Variants in AFAP1L2 observed in about 807,000 individuals in gnomAD.
AFAP1L2 encodes actin filament associated protein 1 like 2.
Under a neutral mutation model 99.3 loss-of-function variants are expected in AFAP1L2, and 46 were observed. The ratio of observed to expected loss-of-function variants is 0.46; its 90% CI spans 0.37 to 0.59. The LOEUF (loss-of-function observed/expected upper bound fraction) is 0.59, where lower values mean the gene tolerates loss of function less well. Ranked by LOEUF, AFAP1L2 falls within the 20% of genes least tolerant of loss-of-function variation. The pLI is 0.00. For synonymous variants in AFAP1L2, 397 were observed against 419.1 expected (o/e 0.95, Z 0.64); for missense variants, 959 against 1,034.9 (o/e 0.93, Z 1.01).
At chr10:114,324,594 G>C (rs1305659292) in intron 4 of AFAP1L2, among the ~76,000 whole-genome samples, 2 of 152,250 alleles carry the variant, frequency 1.3e-5, no homozygotes, top group Non-Finnish European at 2.9e-5. Flanking sequence ...TGCATAATGA[G>C]TTCACAACAG....
rs946174811 is a variant in AFAP1L2, at chr10:114,362,991, C to A, written c.17-22260G>T. 302 of 985,356 alleles carry A rather than the reference C, an allele frequency of 3.1e-4. 2 individuals are homozygous for A. The African/African-American group carries it at 5.0e-3, about 16-fold the overall frequency. The allele number at this position is 985,356 out of a possible 1,614,324, so 61.0% of individuals were successfully genotyped here. ...GGGCCGGGGAATTCCCTGGTGGCAG[C>A]CCGACAGGTGGGGAGGGACAGCTGC... is the stretch of plus-strand genomic sequence containing the variant. On this transcript the variant is annotated intron_variant, in intron 1 of 18. Coordinates refer to ENST00000304129, the MANE Select transcript of AFAP1L2 (RefSeq NM_001001936.3).
intron 1 of AFAP1L2, among the ~76,000 whole-genome samples, chr10:114,370,817 C>G (rs1310138442): frequency 6.6e-6 from 1 of 152,148 alleles, no homozygotes; most frequent in African/African-American, 2.4e-5. Flanking sequence ...CTGGGTTCAT[C>G]GAAAGCACCT....
chr10:114,286,387 C>T, the AFAP1L2 span: 15 of 1,613,848 alleles, frequency 9.3e-6, no homozygotes, highest in Middle Eastern at 1.7e-4. Context: ...GCAGTGAGGC[C>T]GTGCGGGCAG....
chr10:114,308,295 A>T lies in AFAP1L2; in HGVS notation c.967+138T>A. On this transcript the variant is annotated intron_variant, in intron 9 of 18. Transcript: ENST00000304129. ...TTGGCCGAGTCTCCCTTTTTCCTGG[A>T]TCTAACAGCAGTATTTCCGAGTGGT... 3 of 702,852 alleles carry T rather than the reference A, an allele frequency of 4.3e-6. No homozygotes were observed. In the South Asian group the frequency reaches 5.6e-5, roughly 13 times the overall value. The allele number at this position is 702,852 out of a possible 1,614,324, so 43.5% of individuals were successfully genotyped here. A position where few individuals can be genotyped will look rare whatever the true frequency, so the allele number is the denominator to read the frequency against.
chr10:114,301,740 C>T (rs1299649921), intron 12 of AFAP1L2: 2 of 477,332 alleles, frequency 4.2e-6, no homozygotes, highest in Non-Finnish European at 7.6e-6. Flanking sequence ...CCATCTTCTC[C>T]CCCATTCCTC....
chr10:114,332,176 C>G (rs1388619255), intron 3 of AFAP1L2, among the ~76,000 whole-genome samples: 1 of 152,210 alleles, frequency 6.6e-6, no homozygotes, highest in Non-Finnish European at 1.5e-5. Context: ...AGAGCTTTGG[C>G]CAGCAGAGAA....
chr10:114,308,681 A>G (rs1458187033), intron 8 of AFAP1L2, among the ~76,000 whole-genome samples, 164 bp from the exon 9 acceptor site: 1 of 152,230 alleles, frequency 6.6e-6, no homozygotes, highest in African/African-American at 2.4e-5. Flanking sequence ...CACTGGTAGG[A>G]CATTGGCCCA....
downstream of AFAP1L2, among the ~76,000 whole-genome samples, chr10:114,292,731 G>A (rs1215054979): frequency 6.6e-6 from 1 of 151,782 alleles, no homozygotes; most frequent in East Asian, 1.9e-4. Flanking sequence ...TTGAGACGGA[G>A]TTTTGCTCTT....
At chr10:114,393,369 T>C (rs1292769330) in intron 1 of AFAP1L2, 1 of 152,196 alleles carries the variant, frequency 6.6e-6, no homozygotes, top group Non-Finnish European at 1.5e-5. Flanking sequence ...CCCTGATTGG[T>C]GAGCCCCTGT....
chr10:114,301,514 T>G, intron 12 of AFAP1L2, 49 bp from the exon 13 acceptor site: 2 of 1,390,294 alleles, frequency 1.4e-6, no homozygotes, highest in Non-Finnish European at 2.0e-6. Context: ...GGCAGGGTGG[T>G]GAAAGCACCA....
At chr10:114,379,923 C>T (rs7911173) in intron 1 of AFAP1L2, among the ~76,000 whole-genome samples, 4 of 152,098 alleles carry the variant, frequency 2.6e-5, no homozygotes, top group Non-Finnish European at 4.4e-5. Context: ...TCATTGGTTG[C>T]GACTTTATGG....
Position 114,300,314 on chromosome 10 carries a change from C to T in AFAP1L2, c.1837G>A (p.Val613Ile), listed in dbSNP as rs760017215. Residue 613 changes from valine to isoleucine, a missense_variant, in exon 15 of 19, where the codon GTC becomes ATC. Coordinates refer to ENST00000304129, the MANE Select transcript of AFAP1L2 (RefSeq NM_001001936.3). ...CTCTGCTGTTCCGTCTGGATTTTGA[C>T]GGTGGTGATTCTCAGGGAAGGATCC... is the stretch of plus-strand genomic sequence containing the variant. ...PEDPSLRITT[V>I]KIQTEQQRIS... 2.0e-5 allele frequency: 32 copies of T among 1,614,012 alleles called. No homozygotes were observed. Among genetic ancestry groups the T allele is most frequent in the African/African-American group, 6.7e-5 (5 of 74,908 alleles).
rs1476740488 is a variant in AFAP1L2, at chr10:114,295,711, A to G, written c.*331T>C. 2 of 1,070,774 alleles carry G rather than the reference A, an allele frequency of 1.9e-6. No individual in the cohort carries two copies. The highest frequency in any genetic ancestry group is 2.3e-6 in the Non-Finnish European group (2 of 884,208). 66.3% of individuals were successfully genotyped at this position (1,070,774 alleles called of 1,614,324 possible). ...CTTGATTCATCTTCCACCAAAGTCT[A>G]AACAGGAGGTTTTCACTATTTAAAA... On this transcript the variant is annotated 3_prime_UTR_variant, in exon 19 of 19. Transcript: ENST00000304129.
At chr10:114,359,793 G>A (rs1350279754) in intron 1 of AFAP1L2, among the ~76,000 whole-genome samples, 2 of 152,146 alleles carry the variant, frequency 1.3e-5, no homozygotes, top group Non-Finnish European at 2.9e-5. Context: ...AGGGCAAGAG[G>A]CAAAGGAAGC....
At chr10:114,361,701 G>A (rs1306309904) in intron 1 of AFAP1L2, among the ~76,000 whole-genome samples, 2 of 152,078 alleles carry the variant, frequency 1.3e-5, no homozygotes, top group South Asian at 2.1e-4. Flanking sequence ...TGCTTCCCAC[G>A]GCTTCATTTC....
chr10:114,289,600 G>A, the AFAP1L2 span: 4 of 1,285,328 alleles, frequency 3.1e-6, no homozygotes, highest in East Asian at 9.3e-5. Context: ...CTGAGCACTT[G>A]CTTCCCAAGT....
intron 5 of AFAP1L2, among the ~76,000 whole-genome samples, chr10:114,319,942 T>C (rs1218406056): frequency 6.6e-6 from 1 of 152,170 alleles, no homozygotes; most frequent in Non-Finnish European, 1.5e-5. Context: ...GCTGGTGCTG[T>C]TAAGAAGCAG....
chr10:114,403,762 G>T (rs1278443674), intron 1 of AFAP1L2, among the ~76,000 whole-genome samples: 2 of 152,162 alleles, frequency 1.3e-5, no homozygotes, highest in East Asian at 3.9e-4. Context: ...CCCAAAGCTC[G>T]CCCAGCTGCG....
At chr10:114,300,055 A>T in intron 15 of AFAP1L2, 139 bp downstream of exon 15, 3 of 1,237,372 alleles carry the variant, frequency 2.4e-6, no homozygotes, top group Non-Finnish European at 3.3e-6. Context: ...CTATCGTGGG[A>T]CTTGACCTTG....
Sources: gnomAD v4.1 joint callset for allele counts (sites outside exome capture counted in the v4.1 genomes callset) on GRCh38, gnomAD v4.1.1 for gene constraint, MANE v1.5 for transcripts, NCBI Gene and HGNC (gene_info 2026-07-23, HGNC 2026-07-21) for gene names.